The following AK2 variants were observed in gnomAD, a reference collection of about 807,000 sequenced individuals.
AK2 encodes adenylate kinase 2, mitochondrial.
Under a neutral mutation model 24.6 loss-of-function variants are expected in AK2, and 15 were observed. The observed-to-expected ratio is 0.61, with a 90% CI of 0.41 to 0.94. AK2 has a LOEUF of 0.94. Among genes scored for constraint, AK2 ranks in the 40% least tolerant of loss-of-function variants. The pLI is 0.00. For synonymous variants in AK2, 102 were observed against 114.0 expected (o/e 0.90, Z 0.67); for missense variants, 257 against 304.1 (o/e 0.85, Z 1.15).
rs1638602095 is a variant in AK2 at position 33,008,346 on chromosome 1, C to T, written c.*4835G>A. On this transcript the variant is annotated 3_prime_UTR_variant, in exon 6 of 6. Coordinates refer to ENST00000672715, the MANE Select transcript of AK2 (RefSeq NM_001625.4). ...TTCTGACTCGTTGCTCTGTCTTCATCTGAGGAAAGACTTGTGAGGCTTCTG... is the reference window on the plus strand; with the variant it reads ...TTCTGACTCGTTGCTCTGTCTTCATTTGAGGAAAGACTTGTGAGGCTTCTG... 2.2e-6 allele frequency: 1 copy of T among 453,958 alleles called. No homozygotes were observed. The highest frequency in any genetic ancestry group is 4.4e-6 in the Non-Finnish European group (1 of 226,772). 28.1% of individuals were successfully genotyped at this position (453,958 alleles called of 1,614,324 possible). A position where few individuals can be genotyped will look rare whatever the true frequency, so the allele number is the denominator to read the frequency against.
Position 33,032,516 on chromosome 1 carries a change from G to A in AK2, c.93+4220C>T, listed in dbSNP as rs1640302072. The A allele has an allele frequency of 1.3e-5, 2 of 152,142 alleles. 1 individual carries two copies. The highest frequency in any genetic ancestry group is 1.3e-4 in the Admixed American group (2 of 15,272). The allele number at this position is 152,142 out of a possible 1,614,324, so 9.4% of individuals were successfully genotyped here. A position where few individuals can be genotyped will look rare whatever the true frequency, so the allele number is the denominator to read the frequency against. ...ACGGGGTAACGAAACAGTAGATGAG[G>A]GGAAGTTTCTCTTTATAGAAATATT... On this transcript the variant is annotated intron_variant, in intron 1 of 5. Coordinates refer to ENST00000672715, the MANE Select transcript of AK2 (RefSeq NM_001625.4).
chr1:33,036,188 T>C (rs1263610593), intron 1 of AK2, among the ~76,000 whole-genome samples: 1 of 152,126 alleles, frequency 6.6e-6, no homozygotes, highest in Non-Finnish European at 1.5e-5. Flanking sequence ...GGGAGAGCCT[T>C]AGGTTTCCTC....
At chr1:33,033,147 G>A (rs1165553919) in intron 1 of AK2, among the ~76,000 whole-genome samples, 4 of 147,098 alleles carry the variant, frequency 2.7e-5, no homozygotes, top group Admixed American at 1.4e-4. Flanking sequence ...GCAACAGAGC[G>A]AGACTCTGTC....
rs1269618037 is a variant in AK2 at position 33,008,596 on chromosome 1, GA to G, written c.*4584del. The G allele has an allele frequency of 2.2e-6, 1 of 453,994 alleles. No individual in the cohort carries two copies. Among genetic ancestry groups the G allele is most frequent in the African/African-American group, 2.0e-5 (1 of 50,014 alleles). 28.1% of individuals were successfully genotyped at this position (453,994 alleles called of 1,614,324 possible). ...CTTCAGCAACAAGATCAAGGGGACG[GA>G]TAAGTGTTAGAGACTGTGTTTCAGT... is the stretch of plus-strand genomic sequence containing the variant. On this transcript the variant is annotated 3_prime_UTR_variant, in exon 6 of 6. Transcript: ENST00000672715.
rs1638948758 is a variant in AK2 at position 33,013,239 on chromosome 1, G to C, written c.662C>G (p.Ala221Gly). The part of the protein sequence containing the change: ...DASQTPDVVF[A>G]SILAAFSKAT... ...TTTGGAGAAGGCTGCTAGGATGCTT[G>C]CGAACACGACATCGGGGGTCTGGGA... Residue 221 changes from alanine to glycine, a missense_variant, in exon 6 of 6, where the codon GCA becomes GGA. Coordinates refer to ENST00000672715, the MANE Select transcript of AK2 (RefSeq NM_001625.4). The C allele has an allele frequency of 3.7e-6, 6 of 1,613,846 alleles. No homozygotes were observed. In the East Asian group the frequency reaches 1.3e-4, roughly 36 times the overall value.
chr1:33,024,085 C>T (rs564007773), intron 2 of AK2: 5 of 299,316 alleles, frequency 1.7e-5, no homozygotes, highest in Admixed American at 9.5e-5. Context: ...GTACAAGAAT[C>T]GCTTGAACCC....
In AK2 at chr1:33,010,375, C is replaced by G; in HGVS notation, c.*2806G>C. On this transcript the variant is annotated 3_prime_UTR_variant, in exon 6 of 6. Transcript: ENST00000672715. ...TTTTTGATCTTACAGTGTGTGGAAC[C>G]GGAGTCAGTAATCAAAGCTCCCTGT... 1 of 471,026 alleles carries G rather than the reference C, an allele frequency of 2.1e-6. No homozygotes were observed. The highest frequency in any genetic ancestry group is 1.5e-5 in the South Asian group (1 of 64,626). 29.2% of individuals were successfully genotyped at this position (471,026 alleles called of 1,614,324 possible). A position where few individuals can be genotyped will look rare whatever the true frequency, so the allele number is the denominator to read the frequency against.
In AK2 at chr1:33,012,974, A is replaced by AT; in HGVS notation, c.*206dup. ...ACTTACAAAGTAGCAGAGTGAACAC[A>AT]TATGTGCATGCACACACACACACAC... On this transcript the variant is annotated 3_prime_UTR_variant, in exon 6 of 6. Coordinates refer to ENST00000672715, the MANE Select transcript of AK2 (RefSeq NM_001625.4). 6.3e-7 allele frequency: 1 copy of AT among 1,576,624 alleles called. No individual in the cohort carries two copies. Among genetic ancestry groups the AT allele is most frequent in the African/African-American group, 1.3e-5 (1 of 74,676 alleles).
Position 33,009,610 on chromosome 1 carries a change from T to G in AK2, c.*3571A>C, listed in dbSNP as rs535386839. On this transcript the variant is annotated 3_prime_UTR_variant, in exon 6 of 6. Coordinates refer to ENST00000672715, the MANE Select transcript of AK2 (RefSeq NM_001625.4). Reference sequence around the variant, plus strand: ...AGGCCAAGAAGGTGGCATAACCAACTTCCTTTTTCAGCTGAGGAAACAGGA... The same window carrying G: ...AGGCCAAGAAGGTGGCATAACCAACGTCCTTTTTCAGCTGAGGAAACAGGA... The G allele has an allele frequency of 3.7e-5, 17 of 454,148 alleles. No homozygotes were observed. The East Asian group carries it at 9.0e-4, about 24-fold the overall frequency. The allele number at this position is 454,148 out of a possible 1,614,324, so 28.1% of individuals were successfully genotyped here. A position where few individuals can be genotyped will look rare whatever the true frequency, so the allele number is the denominator to read the frequency against.
At chr1:33,016,617 C>T (rs1639204762) in intron 4 of AK2, among the ~76,000 whole-genome samples, 2 of 151,930 alleles carry the variant, frequency 1.3e-5, no homozygotes, top group African/African-American at 4.8e-5. Flanking sequence ...CTCAAGTGAC[C>T]CTCCCGCCTC....
chr1:33,031,458 G>C, intron 1 of AK2: 1 of 380,200 alleles, frequency 2.6e-6, no homozygotes, highest in South Asian at 1.9e-5. Context: ...TTTAGCTTGG[G>C]GGTCTGTCAC....
Position 33,014,535 on chromosome 1 carries a change from G to A in AK2, c.485C>T (p.Pro162Leu). 19 of 1,612,444 alleles carry A rather than the reference G, an allele frequency of 1.2e-5. No homozygotes were observed. The highest frequency in any genetic ancestry group is 1.6e-5 in the Non-Finnish European group (19 of 1,178,922). The change falls in exon 5 of 6, where the codon CCC (proline) becomes CTC (leucine). Residue 162 changes from proline to leucine, a missense_variant. Transcript: ENST00000672715. ...GAGTTTACATACGTCATCTTTCATGGGCTCTTTTGGAGGGTTGAACTCCTC... is the reference window on the plus strand; with the variant it reads ...GAGTTTACATACGTCATCTTTCATGAGCTCTTTTGGAGGGTTGAACTCCTC... Reference protein sequence around the residue: ...YHEEFNPPKEPMKDDITGEPL... With the variant: ...YHEEFNPPKELMKDDITGEPL...
At chr1:33,014,639 GCGCCTGCACTCCA>G (rs1557613616) in intron 4 of AK2, 45 bp from the exon 5 acceptor site, 2 of 1,521,774 alleles carry the variant, frequency 1.3e-6, no homozygotes, top group Admixed American at 3.4e-5. Context: ...CTGACAGTAC[GCGCCTGCACTCCA>G]CTCTAGGGGG....
At chr1:33,023,310 C>T (rs1557624234) in intron 2 of AK2, among the ~76,000 whole-genome samples, 3 of 152,148 alleles carry the variant, frequency 2.0e-5, no homozygotes, top group Admixed American at 2.0e-4. Flanking sequence ...CACCTGTAAT[C>T]CCAGCACTTA....
chr1:33,017,587 T>C (rs1317972867), intron 4 of AK2, among the ~76,000 whole-genome samples: 2 of 152,236 alleles, frequency 1.3e-5, no homozygotes, highest in East Asian at 3.9e-4. Context: ...TTTAAAACAA[T>C]ACAAGGCTCA....
intron 1 of AK2, among the ~76,000 whole-genome samples, chr1:33,027,646 GC>G (rs923845512): frequency 2.4e-4 from 37 of 151,942 alleles, no homozygotes; most frequent in African/African-American, 8.9e-4. Flanking sequence ...TACTCAGGAG[GC>G]TGTGGCAGAG....
chr1:33,013,285 TCC>T lies in AK2; in HGVS notation c.614_615del (p.Gly205AspfsTer28), dbSNP rs746465070. 67 of 1,614,014 alleles carry T rather than the reference TCC, an allele frequency of 4.2e-5. No individual in the cohort carries two copies. Among genetic ancestry groups the T allele is most frequent in the Non-Finnish European group, 5.5e-5 (65 of 1,180,026 alleles). ...TPLIEYYRKR[G>X]IHSAIDASQT... Reference sequence around the variant, plus strand: ...TGGGATGCATCGATGGCGGAGTGGATCCCCCGTTTCCTGTAGTACTCTATGAG... The same window carrying T: ...TGGGATGCATCGATGGCGGAGTGGATCCCGTTTCCTGTAGTACTCTATGAG... On this transcript the variant is annotated frameshift_variant, in exon 6 of 6. Transcript: ENST00000672715. LOFTEE classifies it high-confidence loss of function.
chr1:33,033,296 C>A (rs1258189043), intron 1 of AK2, among the ~76,000 whole-genome samples: 1 of 152,160 alleles, frequency 6.6e-6, no homozygotes, highest in Non-Finnish European at 1.5e-5. Context: ...ACTTGGGTGG[C>A]TGAGGGAGGA....
In AK2 at chr1:33,008,609, G is replaced by C. The variant is rs1362785934; in HGVS notation, c.*4572C>G. 4.4e-6 allele frequency: 2 copies of C among 453,990 alleles called. No homozygotes were observed. The highest frequency in any genetic ancestry group is 8.8e-6 in the Non-Finnish European group (2 of 226,806). The allele number at this position is 453,990 out of a possible 1,614,324, so 28.1% of individuals were successfully genotyped here. A position where few individuals can be genotyped will look rare whatever the true frequency, so the allele number is the denominator to read the frequency against. ...ATCAAGGGGACGGATAAGTGTTAGA[G>C]ACTGTGTTTCAGTCCTGACTGCCTC... On this transcript the variant is annotated 3_prime_UTR_variant, in exon 6 of 6. Transcript: ENST00000672715.
Sources: allele counts gnomAD v4.1 joint callset (sites outside exome capture counted in the v4.1 genomes callset), GRCh38; gene constraint gnomAD v4.1.1; transcripts MANE v1.5; gene names NCBI Gene and HGNC (gene_info 2026-07-23, HGNC 2026-07-21).